The following HEXB variants were observed in gnomAD, a reference collection of about 807,000 sequenced individuals.
The protein encoded by HEXB is hexosaminidase subunit beta.
In HEXB, 51 loss-of-function variants were observed where a neutral mutation model predicts 71.2. The ratio of observed to expected loss-of-function variants is 0.72; its 90% CI spans 0.57 to 0.90. HEXB has a LOEUF of 0.90. Among genes scored for constraint, HEXB ranks in the 40% least tolerant of loss-of-function variants. The probability of loss-of-function intolerance (pLI) is 0.00; values close to 1 mark genes in which losing one functional copy is unlikely to be tolerated. For missense variants in HEXB, 617 were observed against 677.0 expected (o/e 0.91, Z 0.98); for synonymous variants, 266 against 249.3 (o/e 1.07, Z -0.63).
At chr5:74,701,784 C>T (rs1348134658) in intron 5 of HEXB, among the ~76,000 whole-genome samples, 1 of 151,962 alleles carries the variant, frequency 6.6e-6, no homozygotes, top group Admixed American at 6.6e-5. Context: ...TTCTCCCTCT[C>T]TAAAAATACG....
At chr5:74,688,272 TATTTAATGCCTTTACAGA>T (rs1423778880) in intron 1 of HEXB, among the ~76,000 whole-genome samples, 1 of 151,570 alleles carries the variant, frequency 6.6e-6, no homozygotes, top group Non-Finnish European at 1.5e-5. Context: ...GCCTTTACAA[TATTTAATGCCTTTACAGA>T]ATTTTTATTT....
chr5:74,648,914 T>C (rs1748052084), intron 1 of HEXB, among the ~76,000 whole-genome samples: 1 of 152,152 alleles, frequency 6.6e-6, no homozygotes. Context: ...TGGAACACTG[T>C]AGCACAGAAC....
At chr5:74,653,483 C>T (rs1253561403) in intron 1 of HEXB, among the ~76,000 whole-genome samples, 1 of 152,216 alleles carries the variant, frequency 6.6e-6, no homozygotes, top group Non-Finnish European at 1.5e-5. Flanking sequence ...GGTCAGCAAG[C>T]TCCAAAAGCC....
intron 1 of HEXB, among the ~76,000 whole-genome samples, chr5:74,663,907 C>T (rs909461329): frequency 6.6e-6 from 1 of 152,112 alleles, no homozygotes; most frequent in South Asian, 2.1e-4. Context: ...AGGAGGATTG[C>T]TTGAGCCCAG....
At chr5:74,687,680 T>TA (rs1748904510) in intron 1 of HEXB, among the ~76,000 whole-genome samples, 1 of 152,152 alleles carries the variant, frequency 6.6e-6, no homozygotes, top group Admixed American at 6.5e-5. Context: ...ATTTCTTTTT[T>TA]AAAAAAATTT....
intron 1 of HEXB, among the ~76,000 whole-genome samples, chr5:74,686,964 G>A (rs820883): frequency 0.67 from 101,852 of 152,110 alleles, 34,782 homozygotes; most frequent in Non-Finnish European, 0.74. Flanking sequence ...ATGCTGAACT[G>A]ACTGTGACAA....
intron 1 of HEXB, among the ~76,000 whole-genome samples, chr5:74,678,814 TG>T (rs1748683013): frequency 6.6e-6 from 1 of 152,094 alleles, no homozygotes; most frequent in Admixed American, 6.5e-5. Context: ...ACAGCACAGA[TG>T]GATACTCCAT....
chr5:74,716,951 A>T (rs543457302), intron 9 of HEXB: 1 of 264,838 alleles, frequency 3.8e-6, no homozygotes, highest in East Asian at 9.9e-5. Context: ...GCACTTTGGG[A>T]GGCCGAGGCA....
chr5:74,665,687 A>G (rs2112095222), intron 1 of HEXB, among the ~76,000 whole-genome samples: 1 of 152,370 alleles, frequency 6.6e-6, no homozygotes, highest in East Asian at 1.9e-4. Flanking sequence ...AGATAAGAAC[A>G]TAAACAACTG....
intron 1 of HEXB, among the ~76,000 whole-genome samples, chr5:74,664,830 A>T (rs1748404735): frequency 6.6e-6 from 1 of 152,222 alleles, no homozygotes; most frequent in Non-Finnish European, 1.5e-5. Context: ...GGGCAGGAAG[A>T]GGATGAATAT....
At chr5:74,645,288 A>G (rs567625781) in intron 1 of HEXB, among the ~76,000 whole-genome samples, 2 of 152,220 alleles carry the variant, frequency 1.3e-5, no homozygotes, top group Non-Finnish European at 2.9e-5. Context: ...TGCAGCGTAT[A>G]ACTCCTGGGC....
Position 74,685,394 on chromosome 5 carries a change from C to T in HEXB, c.134C>T (p.Ala45Val). ...GTGCAGGTGGCGGAGGCGGCTCGGG[C>T]CCCGAGCGTCTCGGCCAAGCCGGGG... ...LVVQVAEAAR[A>V]PSVSAKPGPA... The change falls in exon 1 of 14, where the codon GCC becomes GTC. Residue 45 changes from alanine (A) to valine (V), a missense_variant. Coordinates refer to ENST00000261416, the MANE Select transcript of HEXB (RefSeq NM_000521.4). 6 of 1,593,490 alleles carry T rather than the reference C, an allele frequency of 3.8e-6. No individual in the cohort carries two copies. The highest frequency in any genetic ancestry group is 4.6e-5 in the East Asian group (2 of 43,012).
chr5:74,719,954 A>C (rs184869972), intron 11 of HEXB: 36 of 158,478 alleles, frequency 2.3e-4, no homozygotes, highest in South Asian at 8.1e-4. Context: ...AAAAAAAAAA[A>C]ACACACACAT....
At chr5:74,682,597 A>C (rs1317141891), upstream of HEXB, among the ~76,000 whole-genome samples, 2 of 152,268 alleles carry the variant, frequency 1.3e-5, no homozygotes, top group Non-Finnish European at 2.9e-5. Context: ...GCTAGTATGC[A>C]ATGTGAAGTT....
chr5:74,684,374 TTC>T (rs1252156402), upstream of HEXB, among the ~76,000 whole-genome samples: 1 of 152,218 alleles, frequency 6.6e-6, no homozygotes, highest in Non-Finnish European at 1.5e-5. Flanking sequence ...AGCCAAGATG[TTC>T]TCTCTCAGGA....
chr5:74,678,228 G>A (rs1162370702), intron 1 of HEXB, among the ~76,000 whole-genome samples: 2 of 152,030 alleles, frequency 1.3e-5, no homozygotes, highest in Non-Finnish European at 2.9e-5. Flanking sequence ...AACCCAGAAG[G>A]CGGAGGTTGC....
chr5:74,691,570 T>A (rs922543052), intron 2 of HEXB, among the ~76,000 whole-genome samples: 1 of 152,216 alleles, frequency 6.6e-6, no homozygotes. Context: ...AGCTGTATAA[T>A]TATGTGTAGA....
At chr5:74,714,512 CAAGT>C (rs1749627671) in intron 7 of HEXB, among the ~76,000 whole-genome samples, 1 of 152,144 alleles carries the variant, frequency 6.6e-6, no homozygotes, top group Non-Finnish European at 1.5e-5. Flanking sequence ...ATATGCTTGA[CAAGT>C]ATGTAGCTGG....
rs973241796 is a variant in HEXB at position 74,652,757 on chromosome 5, C to A, written c.-377+12199C>A. 6.6e-6 allele frequency among the ~76,000 whole-genome samples: 1 copy of A among 152,092 alleles called. No homozygotes were observed. Among genetic ancestry groups the A allele is most frequent in the Non-Finnish European group, 1.5e-5 (1 of 68,028 alleles). On this transcript the variant is annotated intron_variant, in intron 1 of 13. Coordinates refer to the HEXB transcript ENST00000511181. The surrounding 1 kb of genome is among the most constrained non-coding windows in gnomAD (Gnocchi z 5.4). ...GTCCTCCCACATCTGCCCACAGCAC[C>A]AGCTCCGAGATAACCATCACCCTCT...
Sources: allele counts gnomAD v4.1 joint callset (sites outside exome capture counted in the v4.1 genomes callset), GRCh38; gene constraint gnomAD v4.1.1; non-coding constraint Gnocchi (gnomAD v3.1); transcripts MANE v1.5; gene names NCBI Gene and HGNC (gene_info 2026-07-23, HGNC 2026-07-21).